The following SCN3A variants were observed in gnomAD, a reference collection of about 807,000 sequenced individuals.
SCN3A encodes the protein sodium voltage-gated channel alpha subunit 3, also known as sodium channel protein type 3 subunit alpha.
SCN3A carries 60 observed loss-of-function variants against 187.6 expected under a neutral mutation model. The observed-to-expected ratio is 0.32, with a 90% CI of 0.26 to 0.40. The LOEUF (loss-of-function observed/expected upper bound fraction) is 0.40. Ranked by LOEUF, SCN3A falls within the 10% of genes least tolerant of loss-of-function variation. The pLI, the probability that SCN3A is intolerant of heterozygous loss-of-function variation, is 1.00. For synonymous variants in SCN3A, 788 were observed against 829.2 expected (o/e 0.95, Z 0.85); for missense variants, 1,601 against 2,428.2 (o/e 0.66, Z 7.16).
intron 21 of SCN3A, among the ~76,000 whole-genome samples, chr2:165,110,250 A>G (rs1289934265): frequency 6.6e-6 from 1 of 152,134 alleles, no homozygotes; most frequent in Non-Finnish European, 1.5e-5. Flanking sequence ...TGTTTTGTTC[A>G]TTTCTCCTTT....
rs1018556454 is a variant in SCN3A at position 165,140,353 on chromosome 2, G to T, written c.2019+298C>A. Among the ~76,000 whole-genome samples, 2 of 151,728 alleles carry T rather than the reference G, an allele frequency of 1.3e-5. No homozygotes were observed. Among genetic ancestry groups the T allele is most frequent in the African/African-American group, 4.8e-5 (2 of 41,280 alleles). ...TTGATGGTGAAAATGTCCATTATTT[G>T]TCTCGGTAGGTCTACCAAATTTGCA... On this transcript the variant is annotated intron_variant, in intron 13 of 27. Coordinates refer to ENST00000283254, the MANE Select transcript of SCN3A (RefSeq NM_006922.4). This position sits in a 1 kb window ranked among gnomAD's most constrained non-coding sequence, Gnocchi z 4.2.
chr2:165,132,095 G>T (rs1687364039), intron 15 of SCN3A, among the ~76,000 whole-genome samples: 1 of 152,062 alleles, frequency 6.6e-6, no homozygotes, highest in South Asian at 2.1e-4. Flanking sequence ...ACCTCTTCAA[G>T]GAGAACTACA....
At chr2:165,156,046 T>G (rs1230939363) in intron 9 of SCN3A, 143 bp from the exon 10 acceptor site, 2 of 928,792 alleles carry the variant, frequency 2.2e-6, no homozygotes, top group Non-Finnish European at 3.4e-6. Context: ...TTTAGGTGAT[T>G]GCCCACCGTG....
Position 165,164,376 on chromosome 2 carries a change from T to G in SCN3A, c.602+16A>C. On this transcript the variant is annotated intron_variant, in intron 6 of 27. Coordinates refer to ENST00000283254, the MANE Select transcript of SCN3A (RefSeq NM_006922.4). ...TTTCACTCCTTTGCGCTTATCAAAT[T>G]TTCAAAGTTACTCACGCCATCACAA... The G allele has an allele frequency of 2.5e-6, 4 of 1,613,650 alleles. No individual in the cohort carries two copies. Among genetic ancestry groups the G allele is most frequent in the Non-Finnish European group, 3.4e-6 (4 of 1,179,718 alleles).
rs1378540018 is a variant in SCN3A at position 165,194,319 on chromosome 2, A to G, written c.-247-7572T>C. On this transcript the variant is annotated intron_variant, in intron 1 of 27. Coordinates refer to ENST00000283254, the MANE Select transcript of SCN3A (RefSeq NM_006922.4). Reference sequence around the variant, plus strand: ...TCTTTTATCACTAAAACTCTAGTTCAGTGTCCAGACTTTGGGACTCTGTAC... The same window carrying G: ...TCTTTTATCACTAAAACTCTAGTTCGGTGTCCAGACTTTGGGACTCTGTAC... 4.7e-4 allele frequency among the ~76,000 whole-genome samples: 72 copies of G among 152,250 alleles called. 1 individual carries two copies. Among genetic ancestry groups the G allele is most frequent in the Non-Finnish European group, 4.4e-5 (3 of 68,006 alleles).
intron 21 of SCN3A, among the ~76,000 whole-genome samples, chr2:165,101,652 TC>T (rs998580272): frequency 3.3e-5 from 5 of 152,216 alleles, no homozygotes; most frequent in Non-Finnish European, 5.9e-5. Flanking sequence ...TTTCCTTAAT[TC>T]ATAAGAGAGA....
In SCN3A at chr2:165,145,248, T is replaced by C. The variant is rs192870754; in HGVS notation, c.1671+1491A>G. 2.6e-5 allele frequency among the ~76,000 whole-genome samples: 4 copies of C among 152,268 alleles called. No individual in the cohort carries two copies. In the East Asian group the frequency reaches 7.7e-4, roughly 29 times the overall value. ...GTAGCATCATTATGCTATAGTTTCATATACTCTTAATTCTAATAACTCCTA... is the reference window on the plus strand; with the variant it reads ...GTAGCATCATTATGCTATAGTTTCACATACTCTTAATTCTAATAACTCCTA... On this transcript the variant is annotated intron_variant, in intron 12 of 27. Coordinates refer to ENST00000283254, the MANE Select transcript of SCN3A (RefSeq NM_006922.4).
At chr2:165,153,809 T>C (rs1042826666) in intron 11 of SCN3A, among the ~76,000 whole-genome samples, 1 of 151,998 alleles carries the variant, frequency 6.6e-6, no homozygotes, top group Non-Finnish European at 1.5e-5. Flanking sequence ...CCTTTCAGTA[T>C]ATGGATTTTT....
intron 17 of SCN3A, 82 bp downstream of exon 17, chr2:165,129,858 G>T: frequency 6.5e-7 from 1 of 1,537,688 alleles, no homozygotes; most frequent in Non-Finnish European, 9.0e-7. Context: ...ATAAACCAGA[G>T]ATATGTTTAC....
At position 165,155,890 on chromosome 2, in the gene SCN3A, C is replaced by G. The variant is rs1378264345; in HGVS notation, c.1045G>C (p.Gly349Arg). The G allele has an allele frequency of 1.9e-6, 3 of 1,613,926 alleles. No individual in the cohort carries two copies. Among genetic ancestry groups the G allele is most frequent in the Non-Finnish European group, 2.5e-6 (3 of 1,180,020 alleles). The change falls in exon 10 of 28, where the codon GGA (glycine) becomes CGA (arginine). Residue 349 changes from glycine to arginine, a missense_variant. By Grantham distance (125) the Gly-to-Arg change is moderately radical. Coordinates refer to ENST00000283254, the MANE Select transcript of SCN3A (RefSeq NM_006922.4). ...CGACCAGCCTTCACACAGATGTATCCTTCTGGACACTGGCTATAAGAGAGA... is the reference window on the plus strand; with the variant it reads ...CGACCAGCCTTCACACAGATGTATCGTTCTGGACACTGGCTATAAGAGAGA... ...NGSDAGQCPE[G>R]YICVKAGRNP...
At chr2:165,099,264 T>A (rs1685495878) in intron 22 of SCN3A, among the ~76,000 whole-genome samples, 2 of 152,174 alleles carry the variant, frequency 1.3e-5, no homozygotes, top group South Asian at 4.1e-4. Context: ...TGCTGAATTC[T>A]ACCGAGGGGC....
chr2:165,163,720 G>A lies in SCN3A; in HGVS notation c.603-11C>T. 6.2e-7 allele frequency: 1 copy of A among 1,613,888 alleles called. No individual in the cohort carries two copies. On this transcript the variant is annotated splice_polypyrimidine_tract_variant and intron_variant, in intron 6 of 27. Coordinates refer to ENST00000283254, the MANE Select transcript of SCN3A (RefSeq NM_006922.4). ...AACTCTGTCACATATCTGTAATAGG[G>A]GAGTTCACACACAAACACAATAACA... is the stretch of plus-strand genomic sequence containing the variant.
intron 11 of SCN3A, among the ~76,000 whole-genome samples, chr2:165,149,730 G>C (rs183169551): frequency 3.7e-4 from 56 of 152,198 alleles, no homozygotes; most frequent in Non-Finnish European, 1.5e-4. Context: ...AATGTCCTGC[G>C]TATGAGAATA....
intron 21 of SCN3A, among the ~76,000 whole-genome samples, chr2:165,112,671 T>C (rs928343992): frequency 1.3e-5 from 2 of 152,198 alleles, no homozygotes; most frequent in Non-Finnish European, 2.9e-5. Context: ...AAAGAACAAT[T>C]CTCCCTGTGT....
At chr2:165,128,284 A>G (rs1482482368) in intron 17 of SCN3A, among the ~76,000 whole-genome samples, 183 bp from the exon 18 acceptor site, 2 of 152,146 alleles carry the variant, frequency 1.3e-5, no homozygotes, top group Non-Finnish European at 2.9e-5. Context: ...TCCTGCTCTA[A>G]GGGCAAAATG....
intron 22 of SCN3A, among the ~76,000 whole-genome samples, chr2:165,099,221 C>T (rs1465865002): frequency 6.6e-6 from 1 of 152,134 alleles, no homozygotes; most frequent in Non-Finnish European, 1.5e-5. Flanking sequence ...TCCACATGCA[C>T]TCACAAGCCA....
intron 21 of SCN3A, among the ~76,000 whole-genome samples, chr2:165,112,525 G>A (rs1256998431): frequency 6.6e-6 from 1 of 152,068 alleles, no homozygotes; most frequent in Non-Finnish European, 1.5e-5. Context: ...TTTGCTTCTT[G>A]GAGATGTTTG....
At chr2:165,170,373 T>C in intron 4 of SCN3A, 57 bp downstream of exon 4, 1 of 1,015,850 alleles carries the variant, frequency 9.8e-7, no homozygotes, top group Non-Finnish European at 1.6e-6. Context: ...TAACTGACAT[T>C]TTCTTTAAAA....
In SCN3A at chr2:165,095,548, C is replaced by A; in HGVS notation, c.4394G>T (p.Gly1465Val). The change falls in exon 25 of 28, where the codon GGT becomes GTT. Residue 1465 changes from glycine to valine, a missense_variant. Coordinates refer to ENST00000283254, the MANE Select transcript of SCN3A (RefSeq NM_006922.4). ...GSFFTLNLFIGVIIDNFNQQK... is the reference protein window; with the variant it reads ...GSFFTLNLFIVVIIDNFNQQK... The stretch of plus-strand genomic sequence containing the variant: ...CTGGTTGAAGTTATCTATGATGACA[C>A]CAATGAATAGATTCAGAGTGAAGAA... 6.2e-7 allele frequency: 1 copy of A among 1,610,084 alleles called. No homozygotes were observed. Among genetic ancestry groups the A allele is most frequent in the Non-Finnish European group, 8.5e-7 (1 of 1,176,822 alleles).
Sources: gnomAD v4.1 joint callset for allele counts (sites outside exome capture counted in the v4.1 genomes callset) on GRCh38, gnomAD v4.1.1 for gene constraint, Gnocchi (gnomAD v3.1) non-coding constraint, MANE v1.5 for transcripts, NCBI Gene and HGNC (gene_info 2026-07-23, HGNC 2026-07-21) for gene names.